Variants in PPP2R3A observed in about 807,000 individuals in gnomAD.
PPP2R3A encodes the protein protein phosphatase 2 regulatory subunit B''alpha, also known as serine/threonine-protein phosphatase 2A regulatory subunit B'' subunit alpha.
Under a neutral mutation model 106.9 loss-of-function variants are expected in PPP2R3A, and 80 were observed. The observed-to-expected ratio is 0.75, with a 90% CI of 0.62 to 0.90. The LOEUF (loss-of-function observed/expected upper bound fraction) is 0.90. Ranked by LOEUF, PPP2R3A falls within the 40% of genes least tolerant of loss-of-function variation. The pLI is 0.00. For missense variants in PPP2R3A, 1,386 were observed against 1,350.4 expected (o/e 1.03, Z -0.41); for synonymous variants, 483 against 468.3 (o/e 1.03, Z -0.41).
chr3:136,017,912 C>T (rs1423230871), intron 2 of PPP2R3A, among the ~76,000 whole-genome samples: 2 of 152,210 alleles, frequency 1.3e-5, no homozygotes, highest in Non-Finnish European at 2.9e-5. Flanking sequence ...ATGCTATCAT[C>T]TCAGTCTCCA....
intron 7 of PPP2R3A, among the ~76,000 whole-genome samples, chr3:136,078,662 C>CA (rs1057381731): frequency 1.3e-5 from 2 of 152,186 alleles, no homozygotes; most frequent in Non-Finnish European, 2.9e-5. Flanking sequence ...TGCCTGAAGG[C>CA]ATGCACTCTG....
intron 5 of PPP2R3A, among the ~76,000 whole-genome samples, chr3:136,058,181 G>A (rs184329494): frequency 3.3e-5 from 5 of 152,250 alleles, no homozygotes; most frequent in Admixed American, 2.6e-4. Context: ...GTTCTAGTCA[G>A]GGCAGTCAGG....
chr3:135,997,926 A>G (rs1933465332), intron 1 of PPP2R3A, among the ~76,000 whole-genome samples: 1 of 152,210 alleles, frequency 6.6e-6, no homozygotes, highest in African/African-American at 2.4e-5. Flanking sequence ...TCCTCCACTC[A>G]GGTGCTACAG....
chr3:136,022,967 A>G, intron 2 of PPP2R3A: 2 of 1,554,820 alleles, frequency 1.3e-6, no homozygotes, highest in African/African-American at 2.8e-5. Flanking sequence ...GGGAGATAAG[A>G]AGAAAAAATA....
chr3:136,039,830 A>T (rs1477832498), intron 3 of PPP2R3A, among the ~76,000 whole-genome samples: 1 of 151,852 alleles, frequency 6.6e-6, no homozygotes, highest in East Asian at 1.9e-4. Context: ...CTTTTCATAG[A>T]GAATTTTTTC....
At chr3:136,057,196 G>C (rs773129622) in intron 5 of PPP2R3A, among the ~76,000 whole-genome samples, 7 of 151,984 alleles carry the variant, frequency 4.6e-5, no homozygotes, top group Non-Finnish European at 7.4e-5. Flanking sequence ...ATATCCAAAA[G>C]AAAGGAAATA....
rs558453210 is a variant in PPP2R3A, at chr3:136,001,802, A to G, written c.304A>G (p.Thr102Ala). The G allele has an allele frequency of 7.4e-6, 12 of 1,614,220 alleles. No homozygotes were observed. In the African/African-American group the frequency reaches 1.1e-4, roughly 14 times the overall value. Reference protein sequence around the residue: ...TGIPRVKRGSTFQNTYNLKDI... With the variant: ...TGIPRVKRGSAFQNTYNLKDI... ...CATACCCAGGGTCAAGAGAGGATCT[A>G]CATTTCAGAATACCTACAACTTAAA... Residue 102 changes from threonine (T) to alanine (A), a missense_variant, in exon 2 of 14, where the codon ACA (threonine) becomes GCA (alanine). Transcript: ENST00000264977.
chr3:135,972,854 A>C (rs1937287345), intron 1 of PPP2R3A, among the ~76,000 whole-genome samples: 1 of 152,198 alleles, frequency 6.6e-6, no homozygotes, highest in Non-Finnish European at 1.5e-5. Flanking sequence ...GATACAAATC[A>C]GGTTTATGAT....
chr3:136,043,977 ACTTTGTC>A (rs1935383211), intron 4 of PPP2R3A, among the ~76,000 whole-genome samples: 1 of 152,222 alleles, frequency 6.6e-6, no homozygotes, highest in East Asian at 1.9e-4. Flanking sequence ...TTCTGATTTC[ACTTTGTC>A]CTCTCAGAGT....
chr3:135,987,484 T>A (rs1250116060), intron 1 of PPP2R3A, among the ~76,000 whole-genome samples: 1 of 152,104 alleles, frequency 6.6e-6, no homozygotes, highest in Non-Finnish European at 1.5e-5. Context: ...TTATCTTTAT[T>A]ATGCTGGACA....
At chr3:136,064,573 C>T (rs1238644146) in intron 5 of PPP2R3A, among the ~76,000 whole-genome samples, 1 of 151,874 alleles carries the variant, frequency 6.6e-6, no homozygotes, top group Non-Finnish European at 1.5e-5. Context: ...AAATTGTTTC[C>T]ATAATTTTTG....
At chr3:136,113,196 T>G (rs765000202) in intron 13 of PPP2R3A, among the ~76,000 whole-genome samples, 19 of 4,478 alleles carry the variant, frequency 4.2e-3, no homozygotes, top group Middle Eastern at 0.042. Context: ...GCCAGGAGCA[T>G]CACACTACCC....
intron 8 of PPP2R3A, chr3:136,087,539 C>T (rs578221744): frequency 5.6e-6 from 1 of 178,632 alleles, no homozygotes; most frequent in East Asian, 1.5e-4. Context: ...AATCAGTTCT[C>T]CCTTGAATTT....
In PPP2R3A at chr3:136,147,684, T is replaced by C. The variant is rs767405536; in HGVS notation, c.*2518T>C. ...CTAATTCAATGAGAAATGAGTTTAA[T>C]AGCATAACATTACCAAGGTAATCAA... On this transcript the variant is annotated 3_prime_UTR_variant, in exon 14 of 14. Coordinates refer to ENST00000264977, the MANE Select transcript of PPP2R3A (RefSeq NM_002718.5). The C allele has an allele frequency of 2.0e-5, 3 of 152,390 alleles. No homozygotes were observed. The highest frequency in any genetic ancestry group is 2.9e-5 in the Non-Finnish European group (2 of 68,038). 9.4% of individuals were successfully genotyped at this position (152,390 alleles called of 1,614,324 possible).
At chr3:136,109,906 C>A (rs1475292866) in intron 13 of PPP2R3A, among the ~76,000 whole-genome samples, 1 of 152,028 alleles carries the variant, frequency 6.6e-6, no homozygotes, top group Non-Finnish European at 1.5e-5. Flanking sequence ...ACTTAATGAT[C>A]TCTACCTGAA....
chr3:136,065,333 A>G (rs1936231641), intron 5 of PPP2R3A, among the ~76,000 whole-genome samples: 1 of 152,228 alleles, frequency 6.6e-6, no homozygotes, highest in South Asian at 2.1e-4. Flanking sequence ...CAAAAGACCT[A>G]AAAGTGTAAA....
At chr3:136,122,142 A>G (rs1385682180) in intron 13 of PPP2R3A, among the ~76,000 whole-genome samples, 4 of 152,144 alleles carry the variant, frequency 2.6e-5, no homozygotes, top group Non-Finnish European at 5.9e-5. Flanking sequence ...GAATTAGGCA[A>G]TCCATTCAAG....
chr3:136,083,854 G>T lies in PPP2R3A; in HGVS notation c.2788+1433G>T, dbSNP rs549450437. Among the ~76,000 whole-genome samples the T allele has an allele frequency of 3.9e-5, 6 of 152,368 alleles. No homozygotes were observed. In the South Asian group the frequency reaches 1.2e-3, roughly 32 times the overall value. On this transcript the variant is annotated intron_variant, in intron 8 of 13. Transcript: ENST00000264977. ...CACTCTTGCTATGCAAAGAGACTTG[G>T]CATTTTGCCCCTGCCCTAGAGATCT...
At chr3:136,097,918 G>T (rs770528596) in intron 10 of PPP2R3A, among the ~76,000 whole-genome samples, 25 of 152,150 alleles carry the variant, frequency 1.6e-4, no homozygotes, top group Non-Finnish European at 2.8e-4. Context: ...CCCACAATCA[G>T]GAATAGTTTG....
Sources: gnomAD v4.1 joint callset for allele counts (sites outside exome capture counted in the v4.1 genomes callset) on GRCh38, gnomAD v4.1.1 for gene constraint, MANE v1.5 for transcripts, NCBI Gene and HGNC (gene_info 2026-07-23, HGNC 2026-07-21) for gene names.